HACD1: variants seen among roughly 807,000 people sequenced by gnomAD.
HACD1 encodes the protein 3-hydroxyacyl-CoA dehydratase 1.
A neutral mutation model predicts 32.0 loss-of-function variants in HACD1; 41 were observed. The observed-to-expected ratio is 1.28, with a 90% CI of 1.00 to 1.66. The LOEUF (loss-of-function observed/expected upper bound fraction) is 1.66, where lower values mean the gene tolerates loss of function less well. Ranked by LOEUF, HACD1 falls within the 40% of genes most tolerant of loss-of-function variation. HACD1 has a pLI of 0.00. For synonymous variants in HACD1, 142 were observed against 139.0 expected (o/e 1.02, Z -0.15); for missense variants, 396 against 380.1 (o/e 1.04, Z -0.35).
Position 17,590,315 on chromosome 10 carries a change from C to T in HACD1, c.*49G>A, listed in dbSNP as rs1008336704. 6 of 1,316,002 alleles carry T rather than the reference C, an allele frequency of 4.6e-6. No homozygotes were observed. In the Admixed American group the frequency reaches 6.7e-5, roughly 15 times the overall value. The allele number at this position is 1,316,002 out of a possible 1,614,324, so 81.5% of individuals were successfully genotyped here. A position where few individuals can be genotyped will look rare whatever the true frequency, so the allele number is the denominator to read the frequency against. On this transcript the variant is annotated 3_prime_UTR_variant, in exon 7 of 7. Coordinates refer to ENST00000361271, the MANE Select transcript of HACD1 (RefSeq NM_014241.4). ...TATTCTTGTTATTAAAACTTGGACT[C>T]AGGTAATCTTGGTTATTCTGGAAAA...
In HACD1 at chr10:17,594,317, G is replaced by T; in HGVS notation, c.672C>A (p.Ala224=). Residue 224 remains alanine (A), a synonymous_variant, in exon 6 of 7, where the codon GCC becomes GCA. Transcript: ENST00000361271. ...VAGELLTIYA[A]LPHVKKTGMF... Reference sequence around the variant, plus strand: ...TTCCTGTTTTCTTCACATGCGGCAAGGCAGCGTATATTGTAAGAAGTTCAC... The same window carrying T: ...TTCCTGTTTTCTTCACATGCGGCAATGCAGCGTATATTGTAAGAAGTTCAC... The T allele has an allele frequency of 6.2e-7, 1 of 1,601,560 alleles. No individual in the cohort carries two copies. The highest frequency in any genetic ancestry group is 1.1e-5 in the South Asian group (1 of 88,790).
intron 5 of HACD1, among the ~76,000 whole-genome samples, chr10:17,597,715 T>C (rs1834012562): frequency 6.6e-6 from 1 of 152,192 alleles, no homozygotes; most frequent in Admixed American, 6.5e-5. Context: ...ATGATATTGA[T>C]GTGTTCTAGG....
At chr10:17,615,466 TAG>T (rs782587471) in intron 1 of HACD1, 1 of 154,760 alleles carries the variant, frequency 6.5e-6, no homozygotes, top group African/African-American at 2.4e-5. Context: ...AAGCACATAA[TAG>T]AAACTCAATC....
rs1452648914 is a variant in HACD1 at position 17,608,844 on chromosome 10, A to T, written c.258-4797T>A. 2.6e-5 allele frequency among the ~76,000 whole-genome samples: 4 copies of T among 152,198 alleles called. 1 individual carries two copies. The highest frequency in any genetic ancestry group is 9.7e-5 in the African/African-American group (4 of 41,444). On this transcript the variant is annotated intron_variant, in intron 1 of 6. Transcript: ENST00000361271. ...AAACTGCCTTTTCTAGATAAAAGTT[A>T]TACTTTTGTTTAGCAGCCAATATGT...
chr10:17,599,276 C>T lies in HACD1; in HGVS notation c.605+14G>A, dbSNP rs782759069. On this transcript the variant is annotated intron_variant, in intron 5 of 6. Transcript: ENST00000361271. ...CACAGGACAAGGAGAAACTAAACTG[C>T]AAGATATCGCCACCTGGCCCATTTA... The T allele has an allele frequency of 1.6e-5, 26 of 1,613,114 alleles. No individual in the cohort carries two copies. The highest frequency in any genetic ancestry group is 2.1e-5 in the Non-Finnish European group (25 of 1,179,764).
In HACD1 at chr10:17,614,913, C is replaced by A. The variant is rs370343476; in HGVS notation, c.257+2170G>T. Reference sequence around the variant, plus strand: ...GACTATAGGCGCCCGCCATGGCGCCCGGCTAATTTTTTGTATTTTTAGTAG... The same window carrying A: ...GACTATAGGCGCCCGCCATGGCGCCAGGCTAATTTTTTGTATTTTTAGTAG... On this transcript the variant is annotated intron_variant, in intron 1 of 6. Coordinates refer to ENST00000361271, the MANE Select transcript of HACD1 (RefSeq NM_014241.4). Among the ~76,000 whole-genome samples, 22 of 152,160 alleles carry A rather than the reference C, an allele frequency of 1.4e-4. No homozygotes were observed. The East Asian group carries it at 3.7e-3, about 26-fold the overall frequency.
chr10:17,617,302 C>T lies in HACD1; in HGVS notation c.38G>A (p.Gly13Asp). The T allele has an allele frequency of 1.4e-6, 2 of 1,444,828 alleles. No individual in the cohort carries two copies. The highest frequency in any genetic ancestry group is 1.4e-5 in the South Asian group (1 of 72,842). The allele number at this position is 1,444,828 out of a possible 1,614,324, so 89.5% of individuals were successfully genotyped here. ...CCCTGCCCAGCCTGCAGCCCGAGAG[C>T]CGCTGCCCGCTGCCGCCGCTTCCGT... ...RLTEAAAAGS[G>D]SRAAGWAGSP... The change falls in exon 1 of 7, where the codon GGC (glycine) becomes GAC (aspartate). Residue 13 changes from glycine to aspartate, a missense_variant. Coordinates refer to ENST00000361271, the MANE Select transcript of HACD1 (RefSeq NM_014241.4).
rs1262269043 is a variant in HACD1, at chr10:17,601,309, T to C, written c.484-1898A>G. Among the ~76,000 whole-genome samples the C allele has an allele frequency of 2.6e-5, 4 of 152,260 alleles. No individual in the cohort carries two copies. The South Asian group carries it at 6.2e-4, about 24-fold the overall frequency. ...TCAGCCTCCCAAAGTGCTGGGATTA[T>C]AGGCGTGAGCCACCCCACCCGCCCA... On this transcript the variant is annotated intron_variant, in intron 4 of 6. Transcript: ENST00000361271.
In HACD1 at chr10:17,617,197, G is replaced by A. The variant is rs864309602; in HGVS notation, c.143C>T (p.Thr48Ile). Residue 48 changes from threonine to isoleucine, a missense_variant, in exon 1 of 7, where the codon ACC becomes ATC. Physicochemically the swap from Thr to Ile is moderately conservative, Grantham distance 89. Transcript: ENST00000361271. ...GCCGGCCTCCGAGGCGCCGCCGTTGGTGCCGTCCTCGTCGCTGGACGCCAT... is the reference window on the plus strand; with the variant it reads ...GCCGGCCTCCGAGGCGCCGCCGTTGATGCCGTCCTCGTCGCTGGACGCCAT... ...ATMASSDEDG[T>I]NGGASEAGED... 6.4e-5 allele frequency: 96 copies of A among 1,501,220 alleles called. No individual in the cohort carries two copies. In the Admixed American group the frequency reaches 1.9e-3, roughly 29 times the overall value. The allele number at this position is 1,501,220 out of a possible 1,614,324, so 93.0% of individuals were successfully genotyped here.
At chr10:17,592,257 C>T (rs1235022631) in intron 6 of HACD1, among the ~76,000 whole-genome samples, 1 of 152,018 alleles carries the variant, frequency 6.6e-6, no homozygotes, top group Non-Finnish European at 1.5e-5. Flanking sequence ...GCTGCGATTA[C>T]AGGTGTGAGC....
intron 1 of HACD1, among the ~76,000 whole-genome samples, chr10:17,606,435 T>G (rs1160142801): frequency 6.6e-6 from 1 of 152,182 alleles, no homozygotes; most frequent in African/African-American, 2.4e-5. Context: ...ATCTGTAACT[T>G]TTTAAAAGCT....
At chr10:17,598,700 G>A (rs187838222) in intron 5 of HACD1, among the ~76,000 whole-genome samples, 276 of 152,212 alleles carry the variant, frequency 1.8e-3, no homozygotes, top group African/African-American at 6.4e-3. Context: ...TTTCTAAAAC[G>A]TCAATTGCTC....
chr10:17,608,067 T>C (rs1234461366), intron 1 of HACD1, among the ~76,000 whole-genome samples: 1 of 151,918 alleles, frequency 6.6e-6, no homozygotes, highest in East Asian at 1.9e-4. Flanking sequence ...CTGGAGTGAG[T>C]GGTGTGCCCA....
At chr10:17,609,395 C>T (rs1460714046) in intron 1 of HACD1, among the ~76,000 whole-genome samples, 1 of 151,986 alleles carries the variant, frequency 6.6e-6, no homozygotes, top group Non-Finnish European at 1.5e-5. Flanking sequence ...CCTCATGATC[C>T]ACTCGCCTCG....
chr10:17,598,792 A>G (rs1229416867), intron 5 of HACD1, among the ~76,000 whole-genome samples: 2 of 152,242 alleles, frequency 1.3e-5, no homozygotes, highest in Non-Finnish European at 2.9e-5. Flanking sequence ...CCCTTCAAAT[A>G]TAAATTTTAT....
chr10:17,599,195 C>T lies in HACD1; in HGVS notation c.605+95G>A, dbSNP rs12240904. On this transcript the variant is annotated intron_variant, in intron 5 of 6. Transcript: ENST00000361271. Reference sequence around the variant, plus strand: ...ACCTCCTATAACAGCATTCTGGCATCGTGGGGCTGAAACACGAATTTTAAT... The same window carrying T: ...ACCTCCTATAACAGCATTCTGGCATTGTGGGGCTGAAACACGAATTTTAAT... 4,461 of 1,535,824 alleles carry T rather than the reference C, an allele frequency of 2.9e-3. 118 individuals are homozygous for T. The African/African-American group carries it at 0.055, about 19-fold the overall frequency.
chr10:17,601,314 G>A (rs534025257), intron 4 of HACD1, among the ~76,000 whole-genome samples: 39 of 152,280 alleles, frequency 2.6e-4, no homozygotes, highest in African/African-American at 7.0e-4. Context: ...GATTATAGGC[G>A]TGAGCCACCC....
chr10:17,612,677 T>C (rs1833002161), intron 1 of HACD1, among the ~76,000 whole-genome samples: 1 of 151,952 alleles, frequency 6.6e-6, no homozygotes, highest in South Asian at 2.1e-4. Context: ...TCCCAGCACT[T>C]TGGGAGGGCG....
At chr10:17,598,742 C>T (rs1268122849) in intron 5 of HACD1, among the ~76,000 whole-genome samples, 2 of 152,162 alleles carry the variant, frequency 1.3e-5, no homozygotes, top group Non-Finnish European at 2.9e-5. Flanking sequence ...GAACAGATAT[C>T]TTTTCCTTTA....
Sources: gnomAD v4.1 joint callset for allele counts (sites outside exome capture counted in the v4.1 genomes callset) on GRCh38, gnomAD v4.1.1 for gene constraint, MANE v1.5 for transcripts, NCBI Gene and HGNC (gene_info 2026-07-23, HGNC 2026-07-21) for gene names.